NETO1: variants seen among roughly 807,000 people sequenced by gnomAD.
NETO1 encodes the protein neuropilin and tolloid-like protein 1.
In NETO1, 26 loss-of-function variants were observed where a neutral mutation model predicts 61.3. The observed-to-expected ratio is 0.42, with a 90% CI of 0.31 to 0.59. The LOEUF (loss-of-function observed/expected upper bound fraction) is 0.59, where lower values mean the gene tolerates loss of function less well. Ranked by LOEUF, NETO1 falls within the 20% of genes least tolerant of loss-of-function variation. The pLI is 0.12. For synonymous variants in NETO1, 225 were observed against 225.8 expected (o/e 1.00, Z 0.03); for missense variants, 531 against 662.8 (o/e 0.80, Z 2.18).
chr18:72,849,834 T>G (rs896994883), intron 4 of NETO1, among the ~76,000 whole-genome samples: 2 of 152,192 alleles, frequency 1.3e-5, no homozygotes, highest in African/African-American at 4.8e-5. Flanking sequence ...AAGTCATACC[T>G]GGTCTTTTCC....
intron 4 of NETO1, among the ~76,000 whole-genome samples, chr18:72,800,654 C>A (rs1433088478): frequency 6.6e-6 from 1 of 152,046 alleles, no homozygotes; most frequent in Non-Finnish European, 1.5e-5. Flanking sequence ...CATCCCCCAC[C>A]CCAGCACATG....
chr18:72,758,303 C>CT (rs1568175115), intron 7 of NETO1, among the ~76,000 whole-genome samples: 1 of 151,074 alleles, frequency 6.6e-6, no homozygotes, highest in Non-Finnish European at 1.5e-5. Flanking sequence ...TTTTAACATG[C>CT]TTTTTCACAT....
Position 72,754,185 on chromosome 18 carries a change from AC to A in NETO1, c.982+1848del, listed in dbSNP as rs1251161196. Among the ~76,000 whole-genome samples the A allele has an allele frequency of 1.3e-4, 20 of 152,258 alleles. No homozygotes were observed. The East Asian group carries it at 3.9e-3, about 29-fold the overall frequency. On this transcript the variant is annotated intron_variant, in intron 8 of 10. Transcript: ENST00000327305. ...GTCCTAAAGCAACTAAGAAAGTAAA[AC>A]AATGCATTAAAAACTCTAAAATAAT...
intron 7 of NETO1, among the ~76,000 whole-genome samples, chr18:72,764,168 A>AT (rs567422394): frequency 1.2e-3 from 188 of 152,238 alleles, no homozygotes; most frequent in Non-Finnish European, 1.8e-3. Flanking sequence ...ATCAGAGTAC[A>AT]TTTACATCTT....
At chr18:72,846,393 T>C (rs1490050605) in intron 4 of NETO1, among the ~76,000 whole-genome samples, 1 of 149,372 alleles carries the variant, frequency 6.7e-6, no homozygotes, top group East Asian at 2.0e-4. Context: ...TAGTCCCAGC[T>C]ACTGGGGAGG....
chr18:72,856,988 T>C (rs897339090), intron 4 of NETO1, among the ~76,000 whole-genome samples: 2 of 152,266 alleles, frequency 1.3e-5, no homozygotes, highest in Non-Finnish European at 1.5e-5. Flanking sequence ...CAATAAGTAA[T>C]TGGCTTCCTT....
chr18:72,790,939 AT>A (rs1454263102), intron 6 of NETO1, among the ~76,000 whole-genome samples: 1 of 152,130 alleles, frequency 6.6e-6, no homozygotes, highest in Non-Finnish European at 1.5e-5. Flanking sequence ...CCATCATTTC[AT>A]TCTGGTGGCT....
At chr18:72,864,132 T>G (rs981947576) in intron 3 of NETO1, among the ~76,000 whole-genome samples, 1 of 151,924 alleles carries the variant, frequency 6.6e-6, no homozygotes, top group Non-Finnish European at 1.5e-5. Flanking sequence ...GGCAGGAGAA[T>G]CGCTGGAACT....
At chr18:72,758,913 T>C (rs934305178) in intron 7 of NETO1, among the ~76,000 whole-genome samples, 3 of 151,942 alleles carry the variant, frequency 2.0e-5, no homozygotes, top group Non-Finnish European at 4.4e-5. Context: ...TTGGCAAAAA[T>C]AAATTTTGTT....
chr18:72,813,400 T>C (rs1250681254), intron 4 of NETO1, among the ~76,000 whole-genome samples: 2 of 152,076 alleles, frequency 1.3e-5, no homozygotes, highest in African/African-American at 2.4e-5. Context: ...AGAAAATGAG[T>C]TGTTTACAGC....
chr18:72,813,705 A>C (rs2072940130), intron 4 of NETO1, among the ~76,000 whole-genome samples: 2 of 152,280 alleles, frequency 1.3e-5, no homozygotes, highest in South Asian at 2.1e-4. Flanking sequence ...TAAAGGATGC[A>C]CTCAAAGATA....
At chr18:72,858,385 G>A (rs914889466) in intron 4 of NETO1, among the ~76,000 whole-genome samples, 11 of 152,094 alleles carry the variant, frequency 7.2e-5, no homozygotes, top group Admixed American at 6.6e-4. Flanking sequence ...CCTAAAGTAG[G>A]ATCTATTTGA....
intron 7 of NETO1, among the ~76,000 whole-genome samples, chr18:72,773,071 C>T (rs896259960): frequency 6.6e-6 from 1 of 151,774 alleles, no homozygotes; most frequent in African/African-American, 2.4e-5. Flanking sequence ...TTCCCACCTA[C>T]CTGCAGAACA....
chr18:72,818,084 T>C (rs2073082530), intron 4 of NETO1, among the ~76,000 whole-genome samples: 2 of 152,154 alleles, frequency 1.3e-5, no homozygotes, highest in Admixed American at 1.3e-4. Context: ...TAAGATCAGC[T>C]TTCGTAACCT....
chr18:72,862,770 G>A (rs1007918146), intron 3 of NETO1, among the ~76,000 whole-genome samples: 2 of 151,856 alleles, frequency 1.3e-5, no homozygotes, highest in Admixed American at 6.6e-5. Flanking sequence ...ACAGGTGCAC[G>A]CCACCACGCC....
chr18:72,831,011 T>C (rs1381873403), intron 4 of NETO1, among the ~76,000 whole-genome samples: 2 of 152,146 alleles, frequency 1.3e-5, no homozygotes, highest in African/African-American at 4.8e-5. Flanking sequence ...AATATGTCTC[T>C]TCCTCTTGGT....
At chr18:72,838,666 G>A (rs2073831464) in intron 4 of NETO1, among the ~76,000 whole-genome samples, 1 of 152,162 alleles carries the variant, frequency 6.6e-6, no homozygotes. Context: ...TTGTTGCACT[G>A]TTCCAGTGCA....
chr18:72,750,025 G>A (rs1223990969), intron 9 of NETO1, 37 bp downstream of exon 9: 1 of 1,430,528 alleles, frequency 7.0e-7, no homozygotes, highest in Non-Finnish European at 9.5e-7. Flanking sequence ...TCAGTCTTCA[G>A]GTTATAGTTG....
rs1465600820 is a variant in NETO1 at position 72,783,781 on chromosome 18, A to T, written c.765T>A (p.Ala255=). Reference sequence around the variant, plus strand: ...GACCCGTGCGTAGCATGACATCATTAGCCACAGTGCTACAGAACTTAGCTT... The same window carrying T: ...GACCCGTGCGTAGCATGACATCATTTGCCACAGTGCTACAGAACTTAGCTT... ...DLKAKFCSTV[A]NDVMLRTGLG... is the part of the protein sequence containing the mutation. Residue 255 remains alanine (A), a synonymous_variant, in exon 7 of 11, where the codon GCT becomes GCA. Transcript: ENST00000327305. 6.2e-7 allele frequency: 1 copy of T among 1,614,238 alleles called. No homozygotes were observed. The highest frequency in any genetic ancestry group is 1.7e-5 in the Admixed American group (1 of 60,024).
Sources: allele counts gnomAD v4.1 joint callset (sites outside exome capture counted in the v4.1 genomes callset), GRCh38; gene constraint gnomAD v4.1.1; transcripts MANE v1.5; gene names NCBI Gene and HGNC (gene_info 2026-07-23, HGNC 2026-07-21).